Variants in CD82 observed in about 807,000 individuals in gnomAD.
CD82 encodes the protein CD82 antigen.
A neutral mutation model predicts 37.4 loss-of-function variants in CD82; 36 were observed. The ratio of observed to expected loss-of-function variants is 0.96; its 90% confidence interval spans 0.74 to 1.27. The LOEUF (loss-of-function observed/expected upper bound fraction) is 1.27. Among genes scored for constraint, CD82 ranks in the 50% most tolerant of loss-of-function variants. The pLI is 0.00. For synonymous variants in CD82, 158 were observed against 137.4 expected (o/e 1.15, Z -1.05); for missense variants, 340 against 347.0 (o/e 0.98, Z 0.16).
Position 44,618,622 on chromosome 11 carries a change from C to T in CD82, c.643-18C>T, listed in dbSNP as rs200441128. ...ATGGTGCAGAGCGGGGTGATGTGACCGCATTCTGCCCTTGCAGGGCTGCAT... is the reference window on the plus strand; with the variant it reads ...ATGGTGCAGAGCGGGGTGATGTGACTGCATTCTGCCCTTGCAGGGCTGCAT... On this transcript the variant is annotated intron_variant, in intron 8 of 9. Coordinates refer to ENST00000227155, the MANE Select transcript of CD82 (RefSeq NM_002231.4). 279 of 1,599,374 alleles carry T rather than the reference C, an allele frequency of 1.7e-4. No individual in the cohort carries two copies. In the East Asian group the frequency reaches 1.9e-3, roughly 11 times the overall value.
At chr11:44,599,864 T>G (rs1426370225) in intron 3 of CD82, among the ~76,000 whole-genome samples, 1 of 152,148 alleles carries the variant, frequency 6.6e-6, no homozygotes, top group Non-Finnish European at 1.5e-5. Flanking sequence ...CCAGGAGATG[T>G]GGCAGGAAGG....
chr11:44,614,878 G>C (rs1159019053), intron 6 of CD82, among the ~76,000 whole-genome samples: 1 of 152,252 alleles, frequency 6.6e-6, no homozygotes, highest in African/African-American at 2.4e-5. Context: ...AGACAGCACA[G>C]AAATCTAGTC....
At chr11:44,607,840 C>T (rs1206637275) in intron 6 of CD82, among the ~76,000 whole-genome samples, 1 of 152,154 alleles carries the variant, frequency 6.6e-6, no homozygotes, top group Admixed American at 6.6e-5. Context: ...GGTAACTCTG[C>T]TTGGCTGATA....
intron 4 of CD82, among the ~76,000 whole-genome samples, chr11:44,603,307 G>A (rs1057362107): frequency 5.9e-5 from 9 of 152,270 alleles, no homozygotes; most frequent in African/African-American, 7.2e-5. Context: ...ATCAGGAAGC[G>A]GAGCTGAATC....
intron 1 of CD82, 28 bp from the exon 2 acceptor site, chr11:44,587,447 G>A (rs560187786): frequency 4.4e-6 from 2 of 456,316 alleles, no homozygotes; most frequent in Admixed American, 2.3e-5. Flanking sequence ...ACAGACAGGA[G>A]TGACGAGATC....
At chr11:44,566,489 G>T (rs532884422) in intron 1 of CD82, among the ~76,000 whole-genome samples, 1 of 152,294 alleles carries the variant, frequency 6.6e-6, no homozygotes, top group South Asian at 2.1e-4. Context: ...TTGGCTGACG[G>T]GTTCTGTTCC....
At chr11:44,602,997 A>G (rs899705551) in intron 4 of CD82, among the ~76,000 whole-genome samples, 3 of 152,146 alleles carry the variant, frequency 2.0e-5, no homozygotes, top group Admixed American at 6.5e-5. Context: ...ATTAGGCAGG[A>G]TGCTTTGGAT....
chr11:44,566,537 G>A (rs1021070596), intron 1 of CD82, among the ~76,000 whole-genome samples: 3 of 152,188 alleles, frequency 2.0e-5, no homozygotes, highest in Non-Finnish European at 2.9e-5. Context: ...CCCCAGTAGC[G>A]GGGCAGCATA....
intron 3 of CD82, among the ~76,000 whole-genome samples, chr11:44,599,672 C>T (rs1853278359): frequency 6.6e-6 from 1 of 152,226 alleles, no homozygotes; most frequent in Admixed American, 6.5e-5. Flanking sequence ...AATGGGGGCA[C>T]CCGAGTCTGC....
chr11:44,569,180 G>A (rs755107810), intron 1 of CD82, among the ~76,000 whole-genome samples: 1 of 152,174 alleles, frequency 6.6e-6, no homozygotes, highest in Non-Finnish European at 1.5e-5. Context: ...GAGCTGGGAG[G>A]GGAAGCCCAG....
At chr11:44,604,697 A>G (rs908569079) in intron 4 of CD82, 24 of 321,554 alleles carry the variant, frequency 7.5e-5, no homozygotes, top group Non-Finnish European at 1.3e-4. Context: ...CCCCAGGAAT[A>G]AAGTGAAGCT....
intron 2 of CD82, among the ~76,000 whole-genome samples, chr11:44,588,052 G>A (rs572492189): frequency 1.3e-5 from 2 of 152,148 alleles, no homozygotes; most frequent in Non-Finnish European, 1.5e-5. Flanking sequence ...CAGTCTTCCC[G>A]TCAAGGTATC....
rs998609730 is a variant in CD82, at chr11:44,597,015, G to A, written c.63+2290G>A. 2.2e-6 allele frequency: 1 copy of A among 456,096 alleles called. No individual in the cohort carries two copies. Among genetic ancestry groups the A allele is most frequent in the South Asian group, 1.5e-5 (1 of 64,564 alleles). 28.3% of individuals were successfully genotyped at this position (456,096 alleles called of 1,614,324 possible). A position where few individuals can be genotyped will look rare whatever the true frequency, so the allele number is the denominator to read the frequency against. On this transcript the variant is annotated intron_variant, in intron 3 of 9. Coordinates refer to ENST00000227155, the MANE Select transcript of CD82 (RefSeq NM_002231.4). This position sits in a 1 kb window ranked among gnomAD's most constrained non-coding sequence, Gnocchi z 4.1. ...GTTCTGGGTGTGGCTTTGGAGAGGG[G>A]GATCCTGGCAGCAGGGGCAGCCGGT...
intron 4 of CD82, 80 bp downstream of exon 4, chr11:44,600,310 G>T: frequency 7.4e-7 from 1 of 1,344,956 alleles, no homozygotes. Context: ...GCTCCCATAA[G>T]TGCTTCGGCT....
upstream of CD82, chr11:44,564,570 G>A (rs900312650): frequency 8.9e-6 from 4 of 448,818 alleles, no homozygotes; most frequent in Admixed American, 4.9e-5. Flanking sequence ...GGTGGGCACC[G>A]CAGCCACCTA....
In CD82 at chr11:44,605,397, G is replaced by T. The variant is rs756306249; in HGVS notation, c.304G>T (p.Ala102Ser). The change falls in exon 6 of 10, where the codon GCC becomes TCC. Residue 102 changes from alanine to serine, a missense_variant. By Grantham distance (99) the Ala-to-Ser change is moderately conservative (BLOSUM62 1). Coordinates refer to ENST00000227155, the MANE Select transcript of CD82 (RefSeq NM_002231.4). ...LLLILIAQVT[A>S]GALFYFNMGK... ...CCTGATCCTCATTGCCCAGGTGACG[G>T]CCGGGGCCCTCTTCTACTTCAACAT... 3.3e-5 allele frequency: 54 copies of T among 1,614,082 alleles called. No individual in the cohort carries two copies. Among genetic ancestry groups the T allele is most frequent in the Non-Finnish European group, 4.2e-5 (50 of 1,180,048 alleles).
At chr11:44,576,355 T>C (rs1353166643) in intron 1 of CD82, among the ~76,000 whole-genome samples, 1 of 152,206 alleles carries the variant, frequency 6.6e-6, no homozygotes, top group African/African-American at 2.4e-5. Flanking sequence ...GGTCCCATTG[T>C]ACAGATGAGG....
upstream of CD82, among the ~76,000 whole-genome samples, chr11:44,565,233 A>C: frequency 2.0e-5 from 3 of 150,400 alleles, no homozygotes; most frequent in East Asian, 2.0e-4. Context: ...TCACCCTACT[A>C]GGGCCGGGGG....
chr11:44,579,525 C>A (rs1852950381), intron 1 of CD82, among the ~76,000 whole-genome samples: 1 of 152,120 alleles, frequency 6.6e-6, no homozygotes, highest in South Asian at 2.1e-4. Context: ...TTGAGTCTAT[C>A]TGTGTCTTAG....
Sources: gnomAD v4.1 joint callset for allele counts (sites outside exome capture counted in the v4.1 genomes callset) on GRCh38, gnomAD v4.1.1 for gene constraint, Gnocchi (gnomAD v3.1) non-coding constraint, MANE v1.5 for transcripts, NCBI Gene and HGNC (gene_info 2026-07-23, HGNC 2026-07-21) for gene names.